Variants in EXOC6B observed in about 807,000 individuals in gnomAD.
The protein encoded by EXOC6B is SEC15 homolog B.
A neutral mutation model predicts 113.5 loss-of-function variants in EXOC6B; 54 were observed. That is an observed-to-expected ratio of 0.48 (90% CI 0.38 to 0.60). The LOEUF is 0.60. EXOC6B is among the 20% of genes least tolerant of loss of function. The probability of loss-of-function intolerance (pLI) is 0.00; values close to 1 mark genes in which losing one functional copy is unlikely to be tolerated. For synonymous variants in EXOC6B, 357 were observed against 339.0 expected (o/e 1.05, Z -0.58); for missense variants, 797 against 977.5 (o/e 0.82, Z 2.46).
chr2:72,496,981 T>C (rs1165010052), intron 13 of EXOC6B, among the ~76,000 whole-genome samples: 1 of 145,322 alleles, frequency 6.9e-6, no homozygotes, highest in Admixed American at 6.9e-5. Flanking sequence ...TTATTATTAT[T>C]ATTATTATTA....
intron 18 of EXOC6B, among the ~76,000 whole-genome samples, chr2:72,442,386 T>C (rs866775625): frequency 1.3e-4 from 19 of 151,968 alleles, no homozygotes; most frequent in African/African-American, 3.9e-4. Flanking sequence ...TTCAACATGG[T>C]AATGGAAGTT....
chr2:72,721,390 G>GAAAAAAAAAAA (rs1679996399), intron 5 of EXOC6B, among the ~76,000 whole-genome samples: 4 of 52,026 alleles, frequency 7.7e-5, no homozygotes, highest in Non-Finnish European at 1.1e-4. Context: ...AAAAAAAAAT[G>GAAAAAAAAAAA]AACAAAGAAA....
chr2:72,565,576 C>T (rs1704122566), intron 7 of EXOC6B, among the ~76,000 whole-genome samples: 1 of 151,728 alleles, frequency 6.6e-6, no homozygotes, highest in South Asian at 2.1e-4. Flanking sequence ...GAACAAATAT[C>T]CCTAATATAT....
chr2:72,554,941 T>C (rs938974378), intron 8 of EXOC6B, among the ~76,000 whole-genome samples: 19 of 152,020 alleles, frequency 1.2e-4, no homozygotes, highest in South Asian at 2.1e-4. Flanking sequence ...GTGTGTGATG[T>C]TCCCCGCCCT....
intron 20 of EXOC6B, among the ~76,000 whole-genome samples, chr2:72,251,925 A>T (rs10221769): frequency 0.38 from 57,023 of 151,992 alleles, 13,684 homozygotes; most frequent in African/African-American, 0.68. Context: ...CACTCTTGCA[A>T]CTGAACCCAT....
At chr2:72,334,855 A>C in intron 20 of EXOC6B, 92 bp downstream of exon 20, 4 of 1,187,538 alleles carry the variant, frequency 3.4e-6, no homozygotes, top group Non-Finnish European at 5.0e-6. Flanking sequence ...CGCCAACGCC[A>C]ATCCCCCTCC....
intron 6 of EXOC6B, among the ~76,000 whole-genome samples, chr2:72,596,670 A>G (rs1225311135): frequency 6.6e-6 from 1 of 152,110 alleles, no homozygotes; most frequent in African/African-American, 2.4e-5. Context: ...ACAAAGAGAG[A>G]GAGATTTAAT....
intron 8 of EXOC6B, among the ~76,000 whole-genome samples, chr2:72,522,116 AATGAT>A (rs1701521037): frequency 6.6e-6 from 1 of 152,240 alleles, no homozygotes; most frequent in African/African-American, 2.4e-5. Flanking sequence ...GTTAAAAAGA[AATGAT>A]ATAAGAAGGG....
rs780964417 is a variant in EXOC6B, at chr2:72,823,780, C to CA, written c.113+2017dup. 3.9e-3 allele frequency among the ~76,000 whole-genome samples: 540 copies of CA among 137,374 alleles called. 1 individual carries two copies. Among genetic ancestry groups the CA allele is most frequent in the African/African-American group, 0.012 (438 of 37,418 alleles). 90.1% of individuals were successfully genotyped at this position (137,374 alleles called of 152,430 possible). On this transcript the variant is annotated intron_variant, in intron 1 of 21. Coordinates refer to ENST00000272427, the MANE Select transcript of EXOC6B (RefSeq NM_015189.3). ...TGAGCAACAGAGTGAGACCCTGTCC[C>CA]AAAAAAAAAAAAGAAGGATGGTTGC...
rs201580047 is a variant in EXOC6B at position 72,757,553 on chromosome 2, T to A, written c.114-16084A>T. On this transcript the variant is annotated intron_variant, in intron 1 of 21. Transcript: ENST00000272427. ...ACCAATGAGCTTTGTTTCAAAGCAGTTTGTGTAAATTTCTCTTTGTCTTTA... is the reference window on the plus strand; with the variant it reads ...ACCAATGAGCTTTGTTTCAAAGCAGATTGTGTAAATTTCTCTTTGTCTTTA... Among the ~76,000 whole-genome samples the A allele has an allele frequency of 2.6e-5, 4 of 152,294 alleles. No homozygotes were observed. The East Asian group carries it at 7.7e-4, about 29-fold the overall frequency.
chr2:72,281,368 G>T lies in EXOC6B; in HGVS notation c.2196+53579C>A, dbSNP rs1194986340. The stretch of plus-strand genomic sequence containing the variant: ...TATCAAGAACAGAGATATGAGAAAA[G>T]CAGACAATAGAAACAGTACTACAGG... On this transcript the variant is annotated intron_variant, in intron 20 of 21. Coordinates refer to ENST00000272427, the MANE Select transcript of EXOC6B (RefSeq NM_015189.3). Among the ~76,000 whole-genome samples the T allele has an allele frequency of 3.9e-5, 6 of 152,044 alleles. No homozygotes were observed. The East Asian group carries it at 1.2e-3, about 29-fold the overall frequency.
At chr2:72,638,906 C>T (rs983271417) in intron 6 of EXOC6B, among the ~76,000 whole-genome samples, 4 of 152,150 alleles carry the variant, frequency 2.6e-5, no homozygotes, top group African/African-American at 9.7e-5. Context: ...ACATGAGCAC[C>T]CCTTGGTCAG....
rs923611538 is a variant in EXOC6B, at chr2:72,178,617, C to T, written c.*718G>A. 3.9e-5 allele frequency: 6 copies of T among 152,194 alleles called. No homozygotes were observed. Among genetic ancestry groups the T allele is most frequent in the African/African-American group, 1.4e-4 (6 of 41,446 alleles). The allele number at this position is 152,194 out of a possible 1,614,324, so 9.4% of individuals were successfully genotyped here. A position where few individuals can be genotyped will look rare whatever the true frequency, so the allele number is the denominator to read the frequency against. ...CTCTTCGAGTTGAGACTCAACACTC[C>T]TAGAGCTGGGGCAATATGCAGTTAA... is the stretch of plus-strand genomic sequence containing the variant. On this transcript the variant is annotated 3_prime_UTR_variant, in exon 22 of 22. Coordinates refer to ENST00000272427, the MANE Select transcript of EXOC6B (RefSeq NM_015189.3).
At position 72,312,302 on chromosome 2, in the gene EXOC6B, C is replaced by CT. The variant is rs34170912; in HGVS notation, c.2196+22644dup. Among the ~76,000 whole-genome samples, 1,349 of 143,356 alleles carry CT rather than the reference C, an allele frequency of 9.4e-3. 17 individuals carry two copies. The highest frequency in any genetic ancestry group is 0.025 in the African/African-American group (972 of 39,074). The allele number at this position is 143,356 out of a possible 152,430, so 94.0% of individuals were successfully genotyped here. A position where few individuals can be genotyped will look rare whatever the true frequency, so the allele number is the denominator to read the frequency against. On this transcript the variant is annotated intron_variant, in intron 20 of 21. Coordinates refer to ENST00000272427, the MANE Select transcript of EXOC6B (RefSeq NM_015189.3). The stretch of plus-strand genomic sequence containing the variant: ...AGCGGGCCATCCCCTGTTGTCAATA[C>CT]TTTTTTTTTTTTTTTCCCCAACTGA...
intron 6 of EXOC6B, among the ~76,000 whole-genome samples, chr2:72,629,200 A>G (rs1229835584): frequency 6.6e-6 from 1 of 152,194 alleles, no homozygotes; most frequent in Non-Finnish European, 1.5e-5. Context: ...ACACAAAGCT[A>G]AATATAACAT....
rs186966949 is a variant in EXOC6B at position 72,567,176 on chromosome 2, C to G, written c.847-7655G>C. 2.0e-5 allele frequency among the ~76,000 whole-genome samples: 3 copies of G among 151,718 alleles called. No individual in the cohort carries two copies. The East Asian group carries it at 5.8e-4, about 29-fold the overall frequency. ...AATAATACAAAAAGAAACAAACGAACCTAATTATATATCAATTTGGTAACA... is the reference window on the plus strand; with the variant it reads ...AATAATACAAAAAGAAACAAACGAAGCTAATTATATATCAATTTGGTAACA... On this transcript the variant is annotated intron_variant, in intron 7 of 21. Coordinates refer to ENST00000272427, the MANE Select transcript of EXOC6B (RefSeq NM_015189.3).
chr2:72,547,169 T>A (rs939134562), intron 8 of EXOC6B, among the ~76,000 whole-genome samples: 1 of 152,230 alleles, frequency 6.6e-6, no homozygotes, highest in Non-Finnish European at 1.5e-5. Flanking sequence ...GCCTTTGTAA[T>A]AATGAATTCA....
chr2:72,635,723 C>G (rs955448941), intron 6 of EXOC6B, among the ~76,000 whole-genome samples: 2 of 152,174 alleles, frequency 1.3e-5, no homozygotes, highest in African/African-American at 4.8e-5. Flanking sequence ...GCACTGATGT[C>G]AAAACCAGAC....
At chr2:72,211,590 G>T (rs766331094) in intron 20 of EXOC6B, among the ~76,000 whole-genome samples, 2 of 152,150 alleles carry the variant, frequency 1.3e-5, no homozygotes, top group Non-Finnish European at 2.9e-5. Context: ...CCCACCATAA[G>T]CTGGGTTTTA....
Sources: gnomAD v4.1 joint callset for allele counts (sites outside exome capture counted in the v4.1 genomes callset) on GRCh38, gnomAD v4.1.1 for gene constraint, MANE v1.5 for transcripts, NCBI Gene and HGNC (gene_info 2026-07-23, HGNC 2026-07-21) for gene names.